MGAT4C: variants seen among roughly 807,000 people sequenced by gnomAD.
The protein encoded by MGAT4C is alpha-1,3-mannosyl-glycoprotein 4-beta-N-acetylglucosaminyltransferase C.
In MGAT4C, 19 loss-of-function variants were observed where a neutral mutation model predicts 40.1. The observed-to-expected ratio is 0.47, with a 90% CI of 0.33 to 0.70. The LOEUF (loss-of-function observed/expected upper bound fraction) is 0.70, where lower values mean the gene tolerates loss of function less well. Among genes scored for constraint, MGAT4C ranks in the 30% least tolerant of loss-of-function variants. The pLI is 0.02. For missense variants in MGAT4C, 491 were observed against 563.2 expected (o/e 0.87, Z 1.30); for synonymous variants, 181 against 187.1 (o/e 0.97, Z 0.27).
chr12:86,810,183 G>T (rs34536574), intron 1 of MGAT4C, among the ~76,000 whole-genome samples: 18,748 of 151,798 alleles, frequency 0.12, 1,300 homozygotes, highest in Non-Finnish European at 0.15. Flanking sequence ...ATATTGAAAT[G>T]TGTTTTTTAA....
In MGAT4C at chr12:85,994,460, A is replaced by G. The variant is rs543233462; in HGVS notation, c.-6-4908T>C. The stretch of plus-strand genomic sequence containing the variant: ...AAACCAGAGCAAACAAAAGATCAAA[A>G]GACAGAACAAAATAAATGTCATTTA... On this transcript the variant is annotated intron_variant, in intron 2 of 4. Transcript: ENST00000611864. Among the ~76,000 whole-genome samples, 6 of 152,314 alleles carry G rather than the reference A, an allele frequency of 3.9e-5. No homozygotes were observed. In the East Asian group the frequency reaches 1.2e-3, roughly 29 times the overall value.
At chr12:86,231,871 G>A (rs987673929) in intron 1 of MGAT4C, among the ~76,000 whole-genome samples, 7 of 152,288 alleles carry the variant, frequency 4.6e-5, no homozygotes, top group Admixed American at 2.0e-4. Flanking sequence ...GTGAAGTGTG[G>A]CTCATGCTTG....
chr12:86,482,285 T>A lies in MGAT4C; in HGVS notation c.-228-47020A>T, dbSNP rs528796835. Among the ~76,000 whole-genome samples the A allele has an allele frequency of 1.8e-3, 267 of 152,232 alleles. 2 individuals carry two copies. The highest frequency in any genetic ancestry group is 6.1e-3 in the African/African-American group (253 of 41,574). ...GCTAAATTAAAAAACTGTGTAAATA[T>A]GCTTGAGCAACAAAATTTATAGATA... On this transcript the variant is annotated intron_variant, in intron 2 of 7. Transcript: ENST00000548651.
intron 4 of MGAT4C, among the ~76,000 whole-genome samples, chr12:86,302,983 T>C (rs1459450350): frequency 6.6e-6 from 1 of 150,604 alleles, no homozygotes; most frequent in Non-Finnish European, 1.5e-5. Context: ...TTCCCGCACA[T>C]TTTGTGAAGA....
Position 86,477,182 on chromosome 12 carries a change from T to C in MGAT4C, c.-228-41917A>G, listed in dbSNP as rs1295337471. 8.6e-5 allele frequency among the ~76,000 whole-genome samples: 13 copies of C among 151,978 alleles called. No individual in the cohort carries two copies. In the East Asian group the frequency reaches 2.3e-3, roughly 27 times the overall value. On this transcript the variant is annotated intron_variant, in intron 2 of 7. Transcript: ENST00000548651. ...TATTTATAAGTAAAATTGACTTTTG[T>C]ACATTGAAAAAAAAGAAAATGTGGT...
chr12:86,827,207 A>T (rs918945727), intron 1 of MGAT4C, among the ~76,000 whole-genome samples: 1 of 151,432 alleles, frequency 6.6e-6, no homozygotes, highest in Non-Finnish European at 1.5e-5. Context: ...CAGCAGGGAG[A>T]GACCATGTTG....
intron 1 of MGAT4C, among the ~76,000 whole-genome samples, chr12:86,057,639 C>G (rs1893537934): frequency 6.6e-6 from 1 of 152,086 alleles, no homozygotes; most frequent in Non-Finnish European, 1.5e-5. Context: ...CTTGGGACTT[C>G]AATTAGAGGA....
At chr12:86,092,707 C>T (rs114713632) in intron 1 of MGAT4C, among the ~76,000 whole-genome samples, 2,270 of 152,152 alleles carry the variant, frequency 0.015, 67 homozygotes, top group African/African-American at 0.051. Context: ...CTAGACCCAT[C>T]GTCTCTTTAT....
chr12:86,366,490 G>A (rs1271685196), intron 3 of MGAT4C, among the ~76,000 whole-genome samples: 1 of 152,154 alleles, frequency 6.6e-6, no homozygotes, highest in Non-Finnish European at 1.5e-5. Context: ...AAAAACCTAT[G>A]TTCTCAGTTG....
chr12:86,065,379 T>C (rs1424742102), intron 1 of MGAT4C, among the ~76,000 whole-genome samples: 1 of 152,206 alleles, frequency 6.6e-6, no homozygotes, highest in Non-Finnish European at 1.5e-5. Flanking sequence ...GTTGGCTTCA[T>C]ACCTGGGATG....
chr12:86,672,669 A>G (rs994867520), intron 2 of MGAT4C, among the ~76,000 whole-genome samples: 1 of 152,142 alleles, frequency 6.6e-6, no homozygotes, highest in Admixed American at 6.5e-5. Context: ...TTAAAACCAA[A>G]TACTGCTTGT....
chr12:86,168,984 T>A (rs566539163), intron 1 of MGAT4C, among the ~76,000 whole-genome samples: 1 of 152,252 alleles, frequency 6.6e-6, no homozygotes, highest in South Asian at 2.1e-4. Flanking sequence ...CTTTTTAAAA[T>A]GAGTTTCATG....
intron 2 of MGAT4C, among the ~76,000 whole-genome samples, chr12:86,633,731 T>G (rs1963132651): frequency 6.6e-6 from 1 of 152,080 alleles, no homozygotes. Context: ...TACGGTAAAA[T>G]GTTTGCTTTA....
intron 3 of MGAT4C, among the ~76,000 whole-genome samples, chr12:86,396,449 C>T (rs775249592): frequency 1.3e-5 from 2 of 152,166 alleles, no homozygotes; most frequent in Non-Finnish European, 2.9e-5. Context: ...GCTCACACAT[C>T]TCTAGGCAAA....
At chr12:86,775,851 A>G (rs182199402) in intron 1 of MGAT4C, among the ~76,000 whole-genome samples, 330 of 151,090 alleles carry the variant, frequency 2.2e-3, no homozygotes, top group African/African-American at 6.9e-3. Context: ...ACCCTGAAAT[A>G]TATATATATA....
chr12:86,265,106 C>G lies in MGAT4C; in HGVS notation c.-57+68959G>C, dbSNP rs899970271. 2.6e-5 allele frequency among the ~76,000 whole-genome samples: 4 copies of G among 152,258 alleles called. No homozygotes were observed. In the East Asian group the frequency reaches 7.8e-4, roughly 30 times the overall value. On this transcript the variant is annotated intron_variant, in intron 4 of 7. Transcript: ENST00000548651. ...GCGGGCACCTGGAGCTGCCCCACCCCCCGACCCCCAGCCGGCATGCCTGGC... is the reference window on the plus strand; with the variant it reads ...GCGGGCACCTGGAGCTGCCCCACCCGCCGACCCCCAGCCGGCATGCCTGGC...
At chr12:86,376,341 G>A (rs1052881625) in intron 3 of MGAT4C, among the ~76,000 whole-genome samples, 6 of 151,516 alleles carry the variant, frequency 4.0e-5, no homozygotes, top group East Asian at 1.9e-4. Context: ...TCCAACCACC[G>A]CACTCCAGCC....
At chr12:86,184,738 TAAA>T (rs34098097) in intron 1 of MGAT4C, among the ~76,000 whole-genome samples, 59 of 86,888 alleles carry the variant, frequency 6.8e-4, no homozygotes, top group South Asian at 3.7e-3. Flanking sequence ...TTTCTCCTGT[TAAA>T]AAAAAAAAAA....
At chr12:86,774,281 C>CTCGCTCTT (rs1555227734) in intron 1 of MGAT4C, among the ~76,000 whole-genome samples, 148 of 58,970 alleles carry the variant, frequency 2.5e-3, no homozygotes, top group Admixed American at 4.0e-3. Flanking sequence ...CTAAGGCTTG[C>CTCGCTCTT]TCTTTCTTTC....
Sources: allele counts gnomAD v4.1 joint callset (sites outside exome capture counted in the v4.1 genomes callset), GRCh38; gene constraint gnomAD v4.1.1; transcripts MANE v1.5; gene names NCBI Gene and HGNC (gene_info 2026-07-23, HGNC 2026-07-21).